CNTN5: variants seen among roughly 807,000 people sequenced by gnomAD.
The protein encoded by CNTN5 is contactin 5, also known as contactin-5.
Under a neutral mutation model 129.1 loss-of-function variants are expected in CNTN5, and 77 were observed. The ratio of observed to expected loss-of-function variants is 0.60; its 90% CI spans 0.50 to 0.72. The LOEUF is 0.72. CNTN5 is among the 30% of genes least tolerant of loss of function. CNTN5 has a pLI of 0.00. For missense variants in CNTN5, 1,478 were observed against 1,328.8 expected (o/e 1.11, Z -1.75); for synonymous variants, 509 against 465.6 (o/e 1.09, Z -1.20).
At chr11:99,628,379 A>G (rs7107325) in intron 3 of CNTN5, among the ~76,000 whole-genome samples, 21,554 of 151,874 alleles carry the variant, frequency 0.14, 1,726 homozygotes, top group South Asian at 0.22. Context: ...AACCTCACTT[A>G]TTTCTGGTAC....
chr11:99,613,675 TTATAG>T (rs67331286), intron 3 of CNTN5, among the ~76,000 whole-genome samples: 26,075 of 152,004 alleles, frequency 0.17, 2,543 homozygotes, highest in African/African-American at 0.27. Flanking sequence ...ACTAAAATCC[TTATAG>T]TAAAGTAATA....
chr11:99,271,290 C>T (rs188609190), intron 1 of CNTN5, among the ~76,000 whole-genome samples: 157 of 151,848 alleles, frequency 1.0e-3, no homozygotes, highest in African/African-American at 3.3e-3. Context: ...ATGAAAAACA[C>T]GCACGGTAAT....
At chr11:99,508,866 A>G (rs965034836) in intron 2 of CNTN5, among the ~76,000 whole-genome samples, 3 of 151,936 alleles carry the variant, frequency 2.0e-5, no homozygotes, top group Admixed American at 6.6e-5. Context: ...TTTTTAGTAG[A>G]GACGGGGTTT....
chr11:99,161,118 C>T (rs1022904064), intron 1 of CNTN5, among the ~76,000 whole-genome samples: 6 of 152,022 alleles, frequency 3.9e-5, no homozygotes, highest in Non-Finnish European at 8.8e-5. Flanking sequence ...TCACTAGAAT[C>T]TAGAATAGTC....
At chr11:100,285,881 G>A (rs919737031) in intron 18 of CNTN5, among the ~76,000 whole-genome samples, 7 of 152,194 alleles carry the variant, frequency 4.6e-5, no homozygotes, top group South Asian at 2.1e-4. Context: ...GACAGTGGGC[G>A]CAGGTCAGTG....
chr11:99,115,110 C>T (rs2135392202), intron 1 of CNTN5, among the ~76,000 whole-genome samples: 1 of 152,256 alleles, frequency 6.6e-6, no homozygotes, highest in Middle Eastern at 3.4e-3. Flanking sequence ...TTGGACTTCT[C>T]AGCCTCCCAA....
At chr11:100,296,154 T>C (rs570527) in intron 18 of CNTN5, among the ~76,000 whole-genome samples, 16,970 of 151,374 alleles carry the variant, frequency 0.11, 1,388 homozygotes, top group East Asian at 0.26. Flanking sequence ...ACCCGTAACA[T>C]TGAGCAGAAA....
At chr11:99,390,992 A>G (rs930304026) in intron 2 of CNTN5, among the ~76,000 whole-genome samples, 1 of 152,038 alleles carries the variant, frequency 6.6e-6, no homozygotes, top group African/African-American at 2.4e-5. Context: ...AATAACTCAA[A>G]AATGATTTTA....
At chr11:99,404,039 T>C (rs528305058) in intron 2 of CNTN5, among the ~76,000 whole-genome samples, 2 of 152,228 alleles carry the variant, frequency 1.3e-5, no homozygotes, top group East Asian at 3.9e-4. Flanking sequence ...GGTGCTCTAG[T>C]ATCGGGTGCA....
At chr11:99,033,962 A>G (rs1402415212) in intron 1 of CNTN5, among the ~76,000 whole-genome samples, 24 of 151,694 alleles carry the variant, frequency 1.6e-4, no homozygotes, top group African/African-American at 5.8e-4. Context: ...TAATTTATTG[A>G]GAGTTTTTAG....
intron 21 of CNTN5, among the ~76,000 whole-genome samples, chr11:100,332,983 T>G (rs1951938268): frequency 6.6e-6 from 1 of 151,958 alleles, no homozygotes; most frequent in African/African-American, 2.4e-5. Context: ...GCATCCAAAT[T>G]GGTAAGGAGG....
At chr11:99,654,427 A>G (rs1952273322) in intron 3 of CNTN5, among the ~76,000 whole-genome samples, 2 of 151,988 alleles carry the variant, frequency 1.3e-5, no homozygotes, top group Non-Finnish European at 2.9e-5. Context: ...GTGGAGTTCA[A>G]TTTGGAGGTT....
intron 18 of CNTN5, among the ~76,000 whole-genome samples, chr11:100,281,586 C>G (rs184321036): frequency 3.3e-5 from 5 of 152,176 alleles, no homozygotes. Flanking sequence ...GTTGAATCTG[C>G]TTGGTGTTCT....
intron 3 of CNTN5, among the ~76,000 whole-genome samples, chr11:99,764,959 A>G (rs533744158): frequency 1.3e-5 from 2 of 152,056 alleles, no homozygotes; most frequent in East Asian, 3.9e-4. Context: ...TCATAAATAA[A>G]TTTTCTTTCT....
intron 2 of CNTN5, among the ~76,000 whole-genome samples, chr11:99,552,227 GTATTA>G (rs1325695781): frequency 7.5e-6 from 1 of 133,862 alleles, no homozygotes; most frequent in East Asian, 3.0e-4. Context: ...TTTTTTTTTT[GTATTA>G]TATTTTGCCA....
Position 100,217,343 on chromosome 11 carries a change from TAAAG to T in CNTN5, c.1885-7346_1885-7343del, listed in dbSNP as rs1159554311. Among the ~76,000 whole-genome samples, 9 of 152,328 alleles carry T rather than the reference TAAAG, an allele frequency of 5.9e-5. No homozygotes were observed. In the East Asian group the frequency reaches 1.4e-3, roughly 23 times the overall value. Reference sequence around the variant, plus strand: ...CACAGTACAGCCATGCTTGCTATGATAAAGAAGAACATAGTTGCAAAAGTGTCAC... The same window carrying T: ...CACAGTACAGCCATGCTTGCTATGATAAGAACATAGTTGCAAAAGTGTCAC... On this transcript the variant is annotated intron_variant, in intron 15 of 24. Coordinates refer to ENST00000524871, the MANE Select transcript of CNTN5 (RefSeq NM_014361.4).
At chr11:99,400,070 G>T (rs6590087) in intron 2 of CNTN5, among the ~76,000 whole-genome samples, 141,018 of 152,110 alleles carry the variant, frequency 0.93, 65,751 homozygotes, top group African/African-American at 0.98. Context: ...ATTTACTGTA[G>T]TCACATCCTT....
intron 23 of CNTN5, among the ~76,000 whole-genome samples, chr11:100,346,977 T>A (rs1416767748): frequency 6.6e-6 from 1 of 152,038 alleles, no homozygotes; most frequent in Non-Finnish European, 1.5e-5. Context: ...CCATCAGATC[T>A]CATGAGACTT....
chr11:99,342,556 G>A lies in CNTN5; in HGVS notation c.-71+17072G>A, dbSNP rs149077777. On this transcript the variant is annotated intron_variant, in intron 2 of 24. Transcript: ENST00000524871. The stretch of plus-strand genomic sequence containing the variant: ...TCAAAATCAGCCAGGGCAACATGGC[G>A]AAACCCCGTTATCTCAAAAAAAAAA... Among the ~76,000 whole-genome samples, 380 of 105,920 alleles carry A rather than the reference G, an allele frequency of 3.6e-3. 5 individuals carry two copies. The highest frequency in any genetic ancestry group is 0.023 in the East Asian group (82 of 3,568). The allele number at this position is 105,920 out of a possible 152,430, so 69.5% of individuals were successfully genotyped here.
Sources: gnomAD v4.1 joint callset for allele counts (sites outside exome capture counted in the v4.1 genomes callset) on GRCh38, gnomAD v4.1.1 for gene constraint, MANE v1.5 for transcripts, NCBI Gene and HGNC (gene_info 2026-07-23, HGNC 2026-07-21) for gene names.